The following PLCH1 variants were observed in gnomAD, a reference collection of about 807,000 sequenced individuals.
PLCH1 encodes phospholipase C eta 1.
A neutral mutation model predicts 126.7 loss-of-function variants in PLCH1; 60 were observed. That is an observed-to-expected ratio of 0.47 (90% CI 0.38 to 0.59). The LOEUF (loss-of-function observed/expected upper bound fraction) is 0.59. Ranked by LOEUF, PLCH1 falls within the 20% of genes least tolerant of loss-of-function variation. The probability of loss-of-function intolerance (pLI) is 0.00; values close to 1 mark genes in which losing one functional copy is unlikely to be tolerated. For synonymous variants in PLCH1, 719 were observed against 734.9 expected (o/e 0.98, Z 0.35); for missense variants, 1,723 against 2,040.0 (o/e 0.84, Z 2.99).
chr3:155,480,441 A>T lies in PLCH1; in HGVS notation c.*527T>A, dbSNP rs1713834281. ...CTCTCATTATGGGTGGGATAAGAAC[A>T]TCCTAAAAGGCAAGGTAACTATTTT... is the stretch of plus-strand genomic sequence containing the variant. On this transcript the variant is annotated 3_prime_UTR_variant, in exon 23 of 23. Coordinates refer to ENST00000460012, the MANE Select transcript of PLCH1 (RefSeq NM_014996.4). 6.5e-6 allele frequency: 1 copy of T among 153,944 alleles called. No individual in the cohort carries two copies. The highest frequency in any genetic ancestry group is 2.4e-5 in the African/African-American group (1 of 41,458). 9.5% of individuals were successfully genotyped at this position (153,944 alleles called of 1,614,324 possible).
In PLCH1 at chr3:155,482,528, C is replaced by T. The variant is rs566288633; in HGVS notation, c.3498G>A (p.Glu1166=). Residue 1166 remains glutamate (E), a synonymous_variant, in exon 23 of 23, where the codon GAG becomes GAA. Coordinates refer to ENST00000460012, the MANE Select transcript of PLCH1 (RefSeq NM_014996.4). ...PDLHSTAILQ[E]SVISHLIDNV... ...TGTCAATAAGATGGGAAATTACACTCTCCTGCAGAATTGCAGTTGAATGTA... is the reference window on the plus strand; with the variant it reads ...TGTCAATAAGATGGGAAATTACACTTTCCTGCAGAATTGCAGTTGAATGTA... The T allele has an allele frequency of 1.9e-6, 3 of 1,614,166 alleles. No homozygotes were observed. Among genetic ancestry groups the T allele is most frequent in the African/African-American group, 1.3e-5 (1 of 75,052 alleles).
At chr3:155,641,379 T>C (rs538323369) in intron 2 of PLCH1, among the ~76,000 whole-genome samples, 334 of 152,224 alleles carry the variant, frequency 2.2e-3, no homozygotes, top group African/African-American at 7.5e-3. Context: ...CTCTGTATGA[T>C]AAGCCCAAAT....
At chr3:155,539,207 C>G (rs181289701) in intron 10 of PLCH1, among the ~76,000 whole-genome samples, 120 of 152,260 alleles carry the variant, frequency 7.9e-4, no homozygotes, top group Non-Finnish European at 1.5e-3. Context: ...TCCAGCATCT[C>G]TTTATGATTA....
chr3:155,591,230 C>T (rs1298395056), intron 4 of PLCH1, among the ~76,000 whole-genome samples: 3 of 152,186 alleles, frequency 2.0e-5, no homozygotes, highest in East Asian at 3.8e-4. Flanking sequence ...GTTGCTTCCC[C>T]ATGGCCACTG....
intron 2 of PLCH1, among the ~76,000 whole-genome samples, chr3:155,656,826 G>T (rs1358783679): frequency 1.3e-5 from 2 of 152,012 alleles, no homozygotes; most frequent in Non-Finnish European, 2.9e-5. Flanking sequence ...ACAATCAAAG[G>T]CATGAGAATT....
intron 2 of PLCH1, among the ~76,000 whole-genome samples, chr3:155,678,028 G>A (rs775463653): frequency 6.6e-6 from 1 of 152,118 alleles, no homozygotes; most frequent in African/African-American, 2.4e-5. Context: ...CTCTTGCTCG[G>A]TCCTGAAAAG....
chr3:155,572,151 G>A (rs564631936), intron 6 of PLCH1, among the ~76,000 whole-genome samples: 1 of 152,174 alleles, frequency 6.6e-6, no homozygotes, highest in East Asian at 1.9e-4. Flanking sequence ...TTCTGGTTGG[G>A]TTCTGGAACT....
intron 1 of PLCH1, among the ~76,000 whole-genome samples, chr3:155,716,595 G>T (rs978119446): frequency 1.3e-5 from 2 of 152,080 alleles, no homozygotes; most frequent in Non-Finnish European, 2.9e-5. Flanking sequence ...ACGATGGGGG[G>T]TGCCACACTT....
At chr3:155,522,803 C>G (rs1721286302) in intron 11 of PLCH1, among the ~76,000 whole-genome samples, 1 of 150,946 alleles carries the variant, frequency 6.6e-6, no homozygotes, top group African/African-American at 2.4e-5. Flanking sequence ...ACCAAACTAT[C>G]ATCCCTGTGT....
rs1404254501 is a variant in PLCH1, at chr3:155,514,718, G to A, written c.1632+5C>T. On this transcript the variant is annotated splice_donor_5th_base_variant and intron_variant, in intron 12 of 22. Transcript: ENST00000460012. ...GAAGGATAAGTACAAGAGGGAATCAGATACCTGCTTCAGGTGTGCATTTAA... is the reference window on the plus strand; with the variant it reads ...GAAGGATAAGTACAAGAGGGAATCAAATACCTGCTTCAGGTGTGCATTTAA... 4.6e-6 allele frequency: 7 copies of A among 1,523,256 alleles called. No homozygotes were observed. The Admixed American group carries it at 1.2e-4, about 26-fold the overall frequency. The allele number at this position is 1,523,256 out of a possible 1,614,324, so 94.4% of individuals were successfully genotyped here.
chr3:155,579,757 C>T (rs1241302137), intron 6 of PLCH1, among the ~76,000 whole-genome samples: 1 of 152,180 alleles, frequency 6.6e-6, no homozygotes, highest in Non-Finnish European at 1.5e-5. Context: ...TAGTGTGGTG[C>T]TAGTGGTTGG....
intron 6 of PLCH1, among the ~76,000 whole-genome samples, chr3:155,574,858 T>C (rs1282889904): frequency 1.3e-5 from 2 of 152,124 alleles, no homozygotes; most frequent in East Asian, 1.9e-4. Flanking sequence ...CAGCCAGGCA[T>C]GGTGGCTCAT....
chr3:155,732,441 C>T (rs1457549725), intron 1 of PLCH1, among the ~76,000 whole-genome samples: 2 of 150,968 alleles, frequency 1.3e-5, no homozygotes, highest in Non-Finnish European at 1.5e-5. Flanking sequence ...AATCCCAGCA[C>T]TTTGGGAGGC....
At position 155,566,200 on chromosome 3, in the gene PLCH1, CATATATACACATAT is replaced by C. The variant is rs1450375493; in HGVS notation, c.866-1096_866-1083del. Reference sequence around the variant, plus strand: ...ATATATACACATATATATACACATACATATATACACATATATACGTATATATACACATATATATA... The same window carrying C: ...ATATATACACATATATATACACATACATACGTATATATACACATATATATA... On this transcript the variant is annotated intron_variant, in intron 7 of 22. Coordinates refer to ENST00000460012, the MANE Select transcript of PLCH1 (RefSeq NM_014996.4). 9.1e-5 allele frequency among the ~76,000 whole-genome samples: 3 copies of C among 33,114 alleles called. 1 individual carries two copies. Among genetic ancestry groups the C allele is most frequent in the Non-Finnish European group, 4.9e-4 (3 of 6,076 alleles). 21.7% of individuals were successfully genotyped at this position (33,114 alleles called of 152,430 possible).
intron 1 of PLCH1, among the ~76,000 whole-genome samples, chr3:155,716,831 C>A (rs1011469221): frequency 6.6e-6 from 1 of 152,164 alleles, no homozygotes; most frequent in Non-Finnish European, 1.5e-5. Flanking sequence ...TTGCAAAATA[C>A]AATAATGTCT....
intron 21 of PLCH1, among the ~76,000 whole-genome samples, chr3:155,470,696 A>C (rs2107982413): frequency 6.6e-6 from 1 of 152,296 alleles, no homozygotes; most frequent in Non-Finnish European, 1.5e-5. Flanking sequence ...GTTACCCTCA[A>C]AGGGAAGCCC....
At chr3:155,725,598 C>T (rs891742141) in intron 1 of PLCH1, among the ~76,000 whole-genome samples, 12 of 152,016 alleles carry the variant, frequency 7.9e-5, no homozygotes, top group Non-Finnish European at 1.5e-4. Context: ...CAGATGCATG[C>T]CCGGCTAATT....
Position 155,485,916 on chromosome 3 carries a change from C to T in PLCH1, c.2620-206G>A. 6.7e-6 allele frequency: 4 copies of T among 601,270 alleles called. No individual in the cohort carries two copies. The Admixed American group carries it at 9.0e-5, about 14-fold the overall frequency. 37.2% of individuals were successfully genotyped at this position (601,270 alleles called of 1,614,324 possible). A position where few individuals can be genotyped will look rare whatever the true frequency, so the allele number is the denominator to read the frequency against. On this transcript the variant is annotated intron_variant, in intron 21 of 22. Transcript: ENST00000460012. ...CAACCTTACTTTGCAAGGACTTCAGCCTTCCATTCTTACATCAAGCTTTCC... is the reference window on the plus strand; with the variant it reads ...CAACCTTACTTTGCAAGGACTTCAGTCTTCCATTCTTACATCAAGCTTTCC...
intron 21 of PLCH1, among the ~76,000 whole-genome samples, chr3:155,470,556 G>C (rs889963143): frequency 5.9e-5 from 9 of 152,226 alleles, no homozygotes; most frequent in East Asian, 1.9e-4. Context: ...CCAACGTTCA[G>C]ATTCAGGAAA....
Sources: allele counts gnomAD v4.1 joint callset (sites outside exome capture counted in the v4.1 genomes callset), GRCh38; gene constraint gnomAD v4.1.1; transcripts MANE v1.5; gene names NCBI Gene and HGNC (gene_info 2026-07-23, HGNC 2026-07-21).